Variants in DNAH3 observed in about 807,000 individuals in gnomAD.
DNAH3 encodes axonemal beta dynein heavy chain 3.
Under a neutral mutation model 432.5 loss-of-function variants are expected in DNAH3, and 332 were observed. The ratio of observed to expected loss-of-function variants is 0.77; its 90% CI spans 0.70 to 0.84. The LOEUF is 0.84. DNAH3 is among the 40% of genes least tolerant of loss of function. The pLI is 0.00. For synonymous variants in DNAH3, 1,956 were observed against 1,900.2 expected (o/e 1.03, Z -0.76); for missense variants, 4,861 against 5,114.0 (o/e 0.95, Z 1.51).
At chr16:21,153,598 G>T (rs1007633813) in intron 1 of DNAH3, among the ~76,000 whole-genome samples, 2 of 152,156 alleles carry the variant, frequency 1.3e-5, no homozygotes, top group African/African-American at 4.8e-5. Flanking sequence ...TTCTTTCACT[G>T]TTTGGGTTCA....
intron 8 of DNAH3, among the ~76,000 whole-genome samples, 160 bp downstream of exon 9, chr16:21,127,527 C>A (rs565657702): frequency 1.3e-5 from 2 of 151,962 alleles, no homozygotes; most frequent in African/African-American, 4.8e-5. Flanking sequence ...CACCACTGCA[C>A]TCCAGCCTGA....
intron 37 of DNAH3, among the ~76,000 whole-genome samples, chr16:21,028,987 A>G (rs953533114): frequency 6.6e-6 from 1 of 152,222 alleles, no homozygotes; most frequent in African/African-American, 2.4e-5. Flanking sequence ...CAGCTGTTAC[A>G]AGGCTGACAC....
intron 18 of DNAH3, among the ~76,000 whole-genome samples, chr16:21,089,021 G>C (rs1240427746): frequency 6.6e-6 from 1 of 152,216 alleles, no homozygotes; most frequent in African/African-American, 2.4e-5. Flanking sequence ...CCATCAAAAT[G>C]TGAGCTATAG....
At chr16:21,022,934 G>C (rs1456747660) in intron 39 of DNAH3, among the ~76,000 whole-genome samples, 2 of 152,016 alleles carry the variant, frequency 1.3e-5, no homozygotes, top group Non-Finnish European at 2.9e-5. Flanking sequence ...TTTTAGTAGA[G>C]ACAGGGTTCT....
chr16:21,078,217 T>C (rs1269855118), intron 20 of DNAH3, among the ~76,000 whole-genome samples: 1 of 148,098 alleles, frequency 6.8e-6, no homozygotes, highest in African/African-American at 2.5e-5. Context: ...GAAGGTTGCA[T>C]TGAGCCAAGA....
chr16:21,018,361 A>G (rs2087969715), intron 41 of DNAH3, among the ~76,000 whole-genome samples: 2 of 152,188 alleles, frequency 1.3e-5, no homozygotes, highest in African/African-American at 4.8e-5. Flanking sequence ...ATAAGAAGTG[A>G]TATTTCTGGA....
chr16:20,983,038 G>A (rs1414779437), intron 48 of DNAH3, 152 bp from the exon 49 acceptor site: 3 of 716,280 alleles, frequency 4.2e-6, no homozygotes. Context: ...CATAATGAGT[G>A]CCTGGGAAAT....
intron 1 of DNAH3, among the ~76,000 whole-genome samples, chr16:21,146,806 G>A (rs2152833216): frequency 6.6e-6 from 1 of 151,274 alleles, no homozygotes; most frequent in South Asian, 2.1e-4. Context: ...TGTCACCCAG[G>A]CTGGAGTGCA....
At chr16:21,156,211 TTTATTTTATTTTA>T (rs946833170) in intron 1 of DNAH3, among the ~76,000 whole-genome samples, 8 of 147,784 alleles carry the variant, frequency 5.4e-5, no homozygotes, top group Admixed American at 1.3e-4. Flanking sequence ...TTTATTTTAT[TTTATTTTATTTTA>T]TTATTTTATT....
intron 41 of DNAH3, among the ~76,000 whole-genome samples, chr16:21,009,313 G>A (rs2087467426): frequency 6.6e-6 from 1 of 152,180 alleles, no homozygotes. Context: ...ATAGACTACA[G>A]AGTGAAATAT....
intron 19 of DNAH3, among the ~76,000 whole-genome samples, chr16:21,082,927 A>G (rs1018473864): frequency 6.6e-6 from 1 of 151,858 alleles, no homozygotes; most frequent in Admixed American, 6.6e-5. Flanking sequence ...CCCTAAGATC[A>G]AATGTTACCT....
chr16:20,995,275 G>A (rs1310911145), intron 44 of DNAH3, among the ~76,000 whole-genome samples: 5 of 151,728 alleles, frequency 3.3e-5, no homozygotes, highest in African/African-American at 4.8e-5. Context: ...AGAGTCTCAC[G>A]CAGGCTGGAG....
intron 18 of DNAH3, among the ~76,000 whole-genome samples, chr16:21,087,724 C>T (rs1330112315): frequency 1.3e-5 from 2 of 151,932 alleles, no homozygotes; most frequent in African/African-American, 4.8e-5. Flanking sequence ...ATGGTTAAAC[C>T]TCATTTCCAC....
At chr16:21,113,102 T>C (rs2092111221) in intron 12 of DNAH3, among the ~76,000 whole-genome samples, 1 of 152,036 alleles carries the variant, frequency 6.6e-6, no homozygotes, top group Non-Finnish European at 1.5e-5. Context: ...TGGGAAGGCA[T>C]GGTTTGATTT....
chr16:20,988,607 A>G (rs2086344264), intron 44 of DNAH3, among the ~76,000 whole-genome samples: 1 of 152,198 alleles, frequency 6.6e-6, no homozygotes, highest in Admixed American at 6.5e-5. Context: ...GCCCAGCCTC[A>G]AGAATGTTTT....
chr16:21,122,802 G>GTT (rs111436439), intron 9 of DNAH3, among the ~76,000 whole-genome samples: 1 of 148,104 alleles, frequency 6.8e-6, no homozygotes, highest in African/African-American at 2.5e-5. Flanking sequence ...TACTTCCTCT[G>GTT]TTTTTTTTTT....
At chr16:21,159,301 C>T (rs2092934728) in intron 1 of DNAH3, 1 of 1,596,984 alleles carries the variant, frequency 6.3e-7, no homozygotes, top group Non-Finnish European at 8.6e-7. Context: ...TCTGTGCCTT[C>T]TGGGACGCGG....
chr16:20,974,985 GTTTTTTTTTTTT>G lies in DNAH3; in HGVS notation c.8259+236_8259+247del, dbSNP rs35783206. The stretch of plus-strand genomic sequence containing the variant: ...AGATGCACGCCACCACACCTGGCTA[GTTTTTTTTTTTT>G]TTTTTTTTTTTAAAGTAGAGATGAG... On this transcript the variant is annotated intron_variant, in intron 51 of 61. Coordinates refer to ENST00000261383, the Ensembl canonical transcript of DNAH3. Among the ~76,000 whole-genome samples, 4 of 120,794 alleles carry G rather than the reference GTTTTTTTTTTTT, an allele frequency of 3.3e-5. No homozygotes were observed. In the East Asian group the frequency reaches 1.0e-3, roughly 31 times the overall value. 79.2% of individuals were successfully genotyped at this position (120,794 alleles called of 152,430 possible). A position where few individuals can be genotyped will look rare whatever the true frequency, so the allele number is the denominator to read the frequency against.
chr16:20,991,718 C>A (rs1328059051), intron 44 of DNAH3, among the ~76,000 whole-genome samples: 2 of 152,170 alleles, frequency 1.3e-5, no homozygotes, highest in African/African-American at 4.8e-5. Flanking sequence ...CAGTTTATCA[C>A]GTTCCTCTGT....
Sources: allele counts gnomAD v4.1 joint callset (sites outside exome capture counted in the v4.1 genomes callset), GRCh38; gene constraint gnomAD v4.1.1; transcripts MANE v1.5; gene names NCBI Gene and HGNC (gene_info 2026-07-23, HGNC 2026-07-21).